Variants in TRIM55 observed in about 807,000 individuals in gnomAD.
TRIM55 encodes the protein tripartite motif-containing protein 55.
Under a neutral mutation model 60.9 loss-of-function variants are expected in TRIM55, and 50 were observed. The ratio of observed to expected loss-of-function variants is 0.82; its 90% CI spans 0.65 to 1.04. The LOEUF (loss-of-function observed/expected upper bound fraction) is 1.04. TRIM55 is among the 50% of genes least tolerant of loss of function. The pLI, the probability that TRIM55 is intolerant of heterozygous loss-of-function variation, is 0.00. For missense variants in TRIM55, 681 were observed against 666.9 expected (o/e 1.02, Z -0.23); for synonymous variants, 237 against 238.1 (o/e 1.00, Z 0.04).
At chr8:66,149,935 G>A (rs763858587) in intron 5 of TRIM55, 57 bp downstream of exon 5, 122 of 1,335,166 alleles carry the variant, frequency 9.1e-5, no homozygotes, top group Non-Finnish European at 5.7e-5. Context: ...TGGAAAATTA[G>A]TTATCACATT....
At chr8:66,130,801 C>T (rs1563633696) in intron 2 of TRIM55, among the ~76,000 whole-genome samples, 1 of 151,816 alleles carries the variant, frequency 6.6e-6, no homozygotes. Context: ...GCTGGGACTA[C>T]AGGCACCTGC....
At chr8:66,143,452 A>G (rs1382938257) in intron 4 of TRIM55, among the ~76,000 whole-genome samples, 4 of 152,244 alleles carry the variant, frequency 2.6e-5, no homozygotes, top group African/African-American at 7.2e-5. Context: ...CTGTAGAGTC[A>G]GAAGGGACTT....
intron 8 of TRIM55, 51 bp downstream of exon 8, chr8:66,152,678 T>C (rs1165536022): frequency 6.4e-7 from 1 of 1,572,410 alleles, no homozygotes; most frequent in Non-Finnish European, 8.6e-7. Context: ...TGTCTCCTTA[T>C]GGAATAGCCT....
chr8:66,132,296 C>CA (rs1034834628), intron 2 of TRIM55, among the ~76,000 whole-genome samples: 64 of 152,132 alleles, frequency 4.2e-4, no homozygotes, highest in Middle Eastern at 6.8e-3. Context: ...ACTAAAAATA[C>CA]AAAAAAATTA....
the TRIM55 span, among the ~76,000 whole-genome samples, chr8:66,117,860 T>C: frequency 6.6e-6 from 1 of 152,124 alleles, no homozygotes. Context: ...TGAGTGTTTC[T>C]TATTGCCAAG....
At chr8:66,154,428 G>A (rs1247806946) in intron 9 of TRIM55, 94 bp downstream of exon 9, 3 of 1,368,034 alleles carry the variant, frequency 2.2e-6, no homozygotes, top group Admixed American at 2.4e-5. Context: ...TTTTCAAAGG[G>A]GCAGAGAGAA....
At position 66,152,428 on chromosome 8, in the gene TRIM55, AAGG is replaced by A. The variant is rs754897329; in HGVS notation, c.1040_1042del (p.Gly347del). 2.5e-6 allele frequency: 4 copies of A among 1,612,228 alleles called. No homozygotes were observed. Among genetic ancestry groups the A allele is most frequent in the South Asian group, 1.1e-5 (1 of 90,972 alleles). On this transcript the variant is annotated inframe_deletion, in exon 8 of 10. Transcript: ENST00000315962. ...GGCGGAGAAGGAGAAAAAGAAGGAG[AAGG>A]AGAAGTGGGAGGAGAAGCAGTAGAA... is the stretch of plus-strand genomic sequence containing the variant.
rs572937121 is a variant in TRIM55, at chr8:66,154,199, C to T, written c.1389C>T (p.Ser463=). 1.7e-4 allele frequency: 270 copies of T among 1,613,990 alleles called. No homozygotes were observed. The East Asian group carries it at 5.3e-3, about 31-fold the overall frequency. The change falls in exon 9 of 10, where the codon AGC becomes AGT. Residue 463 remains serine (S), a synonymous_variant. Coordinates refer to ENST00000315962, the MANE Select transcript of TRIM55 (RefSeq NM_184085.2). The part of the protein sequence containing the change: ...ATTNPPCTPG[S]EGLGQIGPPG... The stretch of plus-strand genomic sequence containing the variant: ...CCAACCCACCTTGCACCCCAGGGAG[C>T]GAAGGTCTGGGGCAAATAGGGCCTC...
At chr8:66,114,070 C>A in the TRIM55 span, among the ~76,000 whole-genome samples, 1 of 117,510 alleles carries the variant, frequency 8.5e-6, no homozygotes, top group Non-Finnish European at 1.7e-5. Flanking sequence ...GATTCCGGCT[C>A]GAAGGAGAGA....
chr8:66,173,144 A>T (rs1586271471), intron 9 of TRIM55, among the ~76,000 whole-genome samples: 1 of 152,184 alleles, frequency 6.6e-6, no homozygotes, highest in East Asian at 1.9e-4. Context: ...TTCTTTTTCA[A>T]AAAGCCCAAT....
chr8:66,136,867 G>T (rs1218211759), intron 3 of TRIM55, among the ~76,000 whole-genome samples: 1 of 152,068 alleles, frequency 6.6e-6, no homozygotes, highest in East Asian at 1.9e-4. Context: ...TGAACATGTT[G>T]ATCTTAATAT....
In TRIM55 at chr8:66,152,563, T is replaced by A. The variant is rs763191190; in HGVS notation, c.1172T>A (p.Leu391His). The A allele has an allele frequency of 3.0e-5, 49 of 1,614,032 alleles. 1 individual carries two copies. The East Asian group carries it at 1.1e-3, about 36-fold the overall frequency. The change falls in exon 8 of 10, where the codon CTT becomes CAT. Residue 391 changes from leucine to histidine, a missense_variant. Coordinates refer to ENST00000315962, the MANE Select transcript of TRIM55 (RefSeq NM_184085.2). Reference protein sequence around the residue: ...QVELQAAPGALPVSSPEPPPA... With the variant: ...QVELQAAPGAHPVSSPEPPPA... ...GAGCTGCAGGCTGCCCCTGGGGCAC[T>A]TCCAGTTTCCTCTCCAGAGCCACCT...
At chr8:66,125,745 A>G (rs1052232768), upstream of TRIM55, among the ~76,000 whole-genome samples, 3 of 152,190 alleles carry the variant, frequency 2.0e-5, no homozygotes, top group Admixed American at 2.0e-4. Flanking sequence ...TATATAACTT[A>G]TTATTAGTTA....
the TRIM55 span, among the ~76,000 whole-genome samples, chr8:66,114,128 T>C: frequency 1.5e-5 from 2 of 135,908 alleles, no homozygotes; most frequent in East Asian, 2.7e-4. Flanking sequence ...AAAGTCTGTC[T>C]TCAGCGCTCA....
intron 7 of TRIM55, among the ~76,000 whole-genome samples, chr8:66,150,694 TCTCA>T (rs1810370083): frequency 6.6e-6 from 1 of 151,862 alleles, no homozygotes; most frequent in South Asian, 2.1e-4. Context: ...TTTGATGGAC[TCTCA>T]CTCTGTTGCC....
chr8:66,158,141 C>CCACACA (rs35285600), intron 9 of TRIM55, among the ~76,000 whole-genome samples: 1,348 of 114,846 alleles, frequency 0.012, 28 homozygotes, highest in African/African-American at 0.015. Context: ...GATCTCCCCA[C>CCACACA]CACACACACA....
rs769676314 is a variant in TRIM55 at position 66,127,250 on chromosome 8, A to G, written c.-19A>G. The G allele has an allele frequency of 6.4e-5, 103 of 1,609,764 alleles. 2 individuals carry two copies. The Middle Eastern group carries it at 1.6e-3, about 26-fold the overall frequency. On this transcript the variant is annotated 5_prime_UTR_variant, in exon 1 of 10. Transcript: ENST00000315962. ...TCGCAGCACCCTTCCCTGGCAGCAC[A>G]CTTGGGGACAGCGAGGAGATGAGCG...
At chr8:66,172,785 C>A (rs1355312122) in intron 9 of TRIM55, among the ~76,000 whole-genome samples, 4 of 152,200 alleles carry the variant, frequency 2.6e-5, no homozygotes, top group Admixed American at 2.0e-4. Context: ...TTAGAAACTG[C>A]CTTCAAGAAA....
intron 9 of TRIM55, among the ~76,000 whole-genome samples, 192 bp from the exon 10 acceptor site, chr8:66,174,279 T>A (rs953532050): frequency 2.6e-5 from 4 of 151,958 alleles, no homozygotes; most frequent in African/African-American, 9.7e-5. Flanking sequence ...ATTATTTTCA[T>A]GACTCTTGGC....
Sources: gnomAD v4.1 joint callset for allele counts (sites outside exome capture counted in the v4.1 genomes callset) on GRCh38, gnomAD v4.1.1 for gene constraint, MANE v1.5 for transcripts, NCBI Gene and HGNC (gene_info 2026-07-23, HGNC 2026-07-21) for gene names.